Variants in MALRD1 observed in about 807,000 individuals in gnomAD.
MALRD1 encodes MAM and LDL-receptor class A domain-containing protein 1.
Under a neutral mutation model 242.1 loss-of-function variants are expected in MALRD1, and 247 were observed. That is an observed-to-expected ratio of 1.02 (90% CI 0.92 to 1.13). MALRD1 has a LOEUF of 1.13. MALRD1 is among the 50% of genes most tolerant of loss of function. MALRD1 has a pLI of 0.00. For missense variants in MALRD1, 2,989 were observed against 2,533.1 expected (o/e 1.18, Z -3.86); for synonymous variants, 995 against 866.6 (o/e 1.15, Z -2.60).
chr10:19,197,564 C>T (rs1836320733), intron 14 of MALRD1, among the ~76,000 whole-genome samples: 1 of 152,160 alleles, frequency 6.6e-6, no homozygotes, highest in African/African-American at 2.4e-5. Flanking sequence ...GCTATGGCCT[C>T]AAGGCTTTGT....
intron 36 of MALRD1, among the ~76,000 whole-genome samples, chr10:19,653,942 G>C (rs1005623044): frequency 6.6e-6 from 1 of 152,096 alleles, no homozygotes; most frequent in Non-Finnish European, 1.5e-5. Flanking sequence ...CCAGATGGGT[G>C]AAATCCAAGT....
At chr10:19,365,583 G>T (rs757538908) in intron 26 of MALRD1, among the ~76,000 whole-genome samples, 5 of 143,046 alleles carry the variant, frequency 3.5e-5, no homozygotes, top group Non-Finnish European at 7.5e-5. Context: ...ATGTGTATTA[G>T]AATGGGTTTC....
chr10:19,317,802 G>A (rs1340076903), intron 21 of MALRD1, among the ~76,000 whole-genome samples: 1 of 151,962 alleles, frequency 6.6e-6, no homozygotes, highest in Non-Finnish European at 1.5e-5. Context: ...TGATTATCCT[G>A]TAAGACCTAG....
intron 1 of MALRD1, among the ~76,000 whole-genome samples, chr10:19,056,434 A>G (rs1051649593): frequency 7.9e-5 from 12 of 151,874 alleles, no homozygotes; most frequent in Admixed American, 6.6e-4. Flanking sequence ...TCTAAGTATT[A>G]TACTTTATGT....
intron 28 of MALRD1, among the ~76,000 whole-genome samples, chr10:19,444,105 G>C (rs975208472): frequency 3.9e-5 from 6 of 152,182 alleles, no homozygotes; most frequent in African/African-American, 1.4e-4. Flanking sequence ...TTTAAATTCT[G>C]TTTTATCAGA....
intron 31 of MALRD1, among the ~76,000 whole-genome samples, chr10:19,513,267 T>C (rs895539962): frequency 6.6e-6 from 1 of 151,884 alleles, no homozygotes; most frequent in African/African-American, 2.4e-5. Context: ...TGTGTAGACC[T>C]CCCCCTTCAC....
chr10:19,376,415 G>A (rs1845597865), intron 26 of MALRD1, among the ~76,000 whole-genome samples: 1 of 152,122 alleles, frequency 6.6e-6, no homozygotes, highest in Non-Finnish European at 1.5e-5. Context: ...ACAGACAGGA[G>A]GGGGAGGTCT....
chr10:19,564,021 C>A (rs1007034038), intron 32 of MALRD1, among the ~76,000 whole-genome samples: 6 of 152,212 alleles, frequency 3.9e-5, no homozygotes, highest in Admixed American at 2.6e-4. Context: ...GAAAAAGATT[C>A]TTGAAGCCTC....
At chr10:19,541,371 A>G (rs955115300) in intron 32 of MALRD1, among the ~76,000 whole-genome samples, 30 of 152,334 alleles carry the variant, frequency 2.0e-4, no homozygotes, top group African/African-American at 6.7e-4. Context: ...TAACAAATTT[A>G]TAAAACCTAG....
At chr10:19,283,512 T>G (rs1366288357) in intron 21 of MALRD1, among the ~76,000 whole-genome samples, 1 of 152,092 alleles carries the variant, frequency 6.6e-6, no homozygotes, top group East Asian at 1.9e-4. Context: ...TCTCCTTCCC[T>G]TTTCCATCTC....
intron 32 of MALRD1, among the ~76,000 whole-genome samples, chr10:19,544,419 C>T (rs558421624): frequency 6.6e-5 from 10 of 152,094 alleles, no homozygotes; most frequent in Non-Finnish European, 1.2e-4. Context: ...AACTCCTGAC[C>T]TCAAGTGATT....
Position 19,155,163 on chromosome 10 carries a change from C to T in MALRD1, c.1647C>T (p.Thr549=). The change falls in exon 12 of 40, where the codon ACC becomes ACT. Residue 549 remains threonine (T), a synonymous_variant. Coordinates refer to ENST00000454679, the MANE Select transcript of MALRD1 (RefSeq NM_001142308.3). ...PVLTKLLTAS[T]PCQVQFWYHL... ...TTACAAAATTGCTCACTGCCTCTAC[C>T]CCATGTCAGGTAATCAACTGTTCTG... 3 of 1,231,202 alleles carry T rather than the reference C, an allele frequency of 2.4e-6. No homozygotes were observed. The highest frequency in any genetic ancestry group is 3.0e-6 in the Non-Finnish European group (3 of 987,570). 76.3% of individuals were successfully genotyped at this position (1,231,202 alleles called of 1,614,324 possible).
intron 21 of MALRD1, among the ~76,000 whole-genome samples, chr10:19,308,339 A>T (rs1318665823): frequency 6.6e-6 from 1 of 151,482 alleles, no homozygotes; most frequent in Non-Finnish European, 1.5e-5. Context: ...GGAACATTCA[A>T]TATCCTCCTC....
chr10:19,300,391 G>A (rs935134668), intron 21 of MALRD1, among the ~76,000 whole-genome samples: 1 of 151,882 alleles, frequency 6.6e-6, no homozygotes, highest in Non-Finnish European at 1.5e-5. Context: ...AATCAAAAAA[G>A]AGCCTGAATA....
Position 19,638,284 on chromosome 10 carries a change from T to A in MALRD1, c.6137+22361T>A, listed in dbSNP as rs147836361. Among the ~76,000 whole-genome samples the A allele has an allele frequency of 3.4e-3, 524 of 152,050 alleles. 2 individuals are homozygous for A. Among genetic ancestry groups the A allele is most frequent in the South Asian group, 0.015 (73 of 4,816 alleles). ...TTTTTGTTATTTTCCATGAATTATA[T>A]AAACATGTCAAGTATGTTACAGACA... On this transcript the variant is annotated intron_variant, in intron 36 of 39. Transcript: ENST00000454679.
chr10:19,525,535 ATG>A lies in MALRD1; in HGVS notation c.5321-5654_5321-5653del, dbSNP rs540941522. 3.9e-5 allele frequency among the ~76,000 whole-genome samples: 6 copies of A among 152,160 alleles called. No homozygotes were observed. The South Asian group carries it at 1.2e-3, about 31-fold the overall frequency. On this transcript the variant is annotated intron_variant, in intron 31 of 39. Coordinates refer to ENST00000454679, the MANE Select transcript of MALRD1 (RefSeq NM_001142308.3). ...CATTAAGCAGCTACAATTTTCAAAA[ATG>A]TGTGCAACTCTTTTAAAGAGATTTT...
chr10:19,082,673 C>T (rs986321093), intron 2 of MALRD1, among the ~76,000 whole-genome samples: 1 of 151,710 alleles, frequency 6.6e-6, no homozygotes, highest in Non-Finnish European at 1.5e-5. Context: ...AAAACCTGGA[C>T]ATTTAAAACA....
chr10:19,163,504 G>T (rs144821683), intron 12 of MALRD1, among the ~76,000 whole-genome samples: 8 of 151,452 alleles, frequency 5.3e-5, no homozygotes, highest in African/African-American at 1.5e-4. Flanking sequence ...TCTACTTTAG[G>T]GGGGAGGGTG....
At chr10:19,500,356 A>G (rs1837914737) in intron 31 of MALRD1, among the ~76,000 whole-genome samples, 1 of 152,214 alleles carries the variant, frequency 6.6e-6, no homozygotes, top group Non-Finnish European at 1.5e-5. Flanking sequence ...AATTAGAAGG[A>G]TTTAGTGTAT....
Sources: gnomAD v4.1 joint callset for allele counts (sites outside exome capture counted in the v4.1 genomes callset) on GRCh38, gnomAD v4.1.1 for gene constraint, MANE v1.5 for transcripts, NCBI Gene and HGNC (gene_info 2026-07-23, HGNC 2026-07-21) for gene names.